Variants in KANK1 observed in about 807,000 individuals in gnomAD.
KANK1 encodes the protein KN motif and ankyrin repeat domain-containing protein 1.
Under a neutral mutation model 106.2 loss-of-function variants are expected in KANK1, and 109 were observed. The observed-to-expected ratio is 1.03, with a 90% CI of 0.88 to 1.20. The LOEUF is 1.20. KANK1 is among the 50% of genes most tolerant of loss of function. The probability of loss-of-function intolerance (pLI) is 0.00; values close to 1 mark genes in which losing one functional copy is unlikely to be tolerated. For missense variants in KANK1, 2,399 were observed against 1,710.7 expected (o/e 1.40, Z -7.10); for synonymous variants, 873 against 652.2 (o/e 1.34, Z -5.16).
chr9:557,601 A>G (rs576094159), intron 1 of KANK1, among the ~76,000 whole-genome samples: 29 of 152,370 alleles, frequency 1.9e-4, no homozygotes, highest in Non-Finnish European at 3.5e-4. Context: ...AAAAATGTAC[A>G]TATGATCTCA....
At chr9:537,624 TA>T (rs1469464212) in intron 1 of KANK1, among the ~76,000 whole-genome samples, 2 of 151,910 alleles carry the variant, frequency 1.3e-5, no homozygotes, top group Non-Finnish European at 2.9e-5. Context: ...ATAATAATAA[TA>T]GGTATATTTC....
chr9:645,243 T>C (rs4742174), intron 1 of KANK1, among the ~76,000 whole-genome samples: 64,002 of 148,422 alleles, frequency 0.43, 17,610 homozygotes, highest in African/African-American at 0.74. Flanking sequence ...GAGTTCAAGA[T>C]CAGCCTGGCC....
chr9:472,955 G>C (rs1240219319), intron 2 of KANK1, among the ~76,000 whole-genome samples: 1 of 152,184 alleles, frequency 6.6e-6, no homozygotes, highest in Non-Finnish European at 1.5e-5. Context: ...ACAAAACTAT[G>C]AGCAAACAAA....
At chr9:671,744 A>G (rs1400899114) in intron 1 of KANK1, among the ~76,000 whole-genome samples, 1 of 151,808 alleles carries the variant, frequency 6.6e-6, no homozygotes, top group African/African-American at 2.4e-5. Context: ...CTAAAAACAT[A>G]TTATACCAGC....
chr9:526,705 A>G (rs557658001), intron 1 of KANK1, among the ~76,000 whole-genome samples: 3 of 151,974 alleles, frequency 2.0e-5, no homozygotes, highest in East Asian at 3.9e-4. Context: ...CCCTCTCCTC[A>G]GAGGAATCTC....
Position 738,406 on chromosome 9 carries a change from G to T in KANK1, c.3455G>T (p.Arg1152Leu). 6.2e-7 allele frequency: 1 copy of T among 1,614,098 alleles called. No individual in the cohort carries two copies. Among genetic ancestry groups the T allele is most frequent in the South Asian group, 1.1e-5 (1 of 91,078 alleles). The part of the protein sequence containing the change: ...AFEAISPDVL[R>L]YVINLADGNG... ...GAGGCCATTTCCCCAGATGTCCTCC[G>T]CTATGTCATCAACTTGGCAGACGGC... Residue 1152 changes from arginine (R) to leucine (L), a missense_variant, in exon 8 of 12, where the codon CGC (arginine) becomes CTC (leucine). Coordinates refer to ENST00000382297, the MANE Select transcript of KANK1 (RefSeq NM_015158.5).
At chr9:527,521 G>C (rs2059846841) in intron 1 of KANK1, among the ~76,000 whole-genome samples, 1 of 151,386 alleles carries the variant, frequency 6.6e-6, no homozygotes, top group African/African-American at 2.5e-5. Flanking sequence ...GGCTAGTCTT[G>C]AACTCCTGAC....
intron 2 of KANK1, among the ~76,000 whole-genome samples, chr9:705,830 C>T (rs1267745697): frequency 1.3e-5 from 2 of 151,920 alleles, no homozygotes; most frequent in African/African-American, 4.8e-5. Flanking sequence ...GAGCTCCTGA[C>T]CTTCAAGTGA....
intron 1 of KANK1, among the ~76,000 whole-genome samples, chr9:556,460 A>T (rs952682659): frequency 6.6e-6 from 1 of 152,206 alleles, no homozygotes; most frequent in African/African-American, 2.4e-5. Context: ...GGAGTTAGCC[A>T]TGATCATTTT....
Position 732,630 on chromosome 9 carries a change from C to T in KANK1, c.3245+13C>T. 3 of 1,609,074 alleles carry T rather than the reference C, an allele frequency of 1.9e-6. No individual in the cohort carries two copies. The highest frequency in any genetic ancestry group is 8.5e-7 in the Non-Finnish European group (1 of 1,176,142). On this transcript the variant is annotated intron_variant, in intron 6 of 11. Transcript: ENST00000382297. The stretch of plus-strand genomic sequence containing the variant: ...AAATCAGAGAGAGGTGTGGTACATT[C>T]CCCTTCCCTCCCTTGCCCCTCCCAC...
chr9:712,709 G>C lies in KANK1; in HGVS notation c.1943G>C (p.Arg648Pro). ...TVCSPKECAS[R>P]GVNTEAVSQV... ...TGCTCTCCAAAGGAGTGCGCCTCCCGGGGCGTGAACACTGAGGCTGTTAGC... is the reference window on the plus strand; with the variant it reads ...TGCTCTCCAAAGGAGTGCGCCTCCCCGGGCGTGAACACTGAGGCTGTTAGC... The change falls in exon 3 of 12, where the codon CGG (arginine) becomes CCG (proline). Residue 648 changes from arginine to proline, a missense_variant. Transcript: ENST00000382297. 6.2e-7 allele frequency: 1 copy of C among 1,613,876 alleles called. No individual in the cohort carries two copies. The highest frequency in any genetic ancestry group is 8.5e-7 in the Non-Finnish European group (1 of 1,179,930).
chr9:671,225 GT>G (rs34085331), intron 1 of KANK1, among the ~76,000 whole-genome samples: 87,962 of 149,778 alleles, frequency 0.59, 27,089 homozygotes, highest in Non-Finnish European at 0.71. Context: ...ACCTGGTGGA[GT>G]TTTTTTTTTG....
At chr9:599,617 G>A (rs957491393) in intron 1 of KANK1, among the ~76,000 whole-genome samples, 1 of 151,688 alleles carries the variant, frequency 6.6e-6, no homozygotes, top group Non-Finnish European at 1.5e-5. Context: ...GATATGCTAC[G>A]TAGCTGACCC....
intron 1 of KANK1, among the ~76,000 whole-genome samples, chr9:629,349 CT>C (rs760195595): frequency 6.6e-6 from 1 of 152,154 alleles, no homozygotes; most frequent in Non-Finnish European, 1.5e-5. Context: ...CACTCTCTCT[CT>C]TCCCCCAGCC....
intron 1 of KANK1, among the ~76,000 whole-genome samples, chr9:507,551 G>T (rs373825706): frequency 1.4e-5 from 2 of 146,922 alleles, no homozygotes; most frequent in East Asian, 2.0e-4. Flanking sequence ...CACCATGCCC[G>T]GCTAATTTTT....
chr9:662,798 A>C (rs1843648387), intron 1 of KANK1, among the ~76,000 whole-genome samples: 2 of 151,548 alleles, frequency 1.3e-5, no homozygotes, highest in African/African-American at 4.9e-5. Flanking sequence ...AGTAGCTGGG[A>C]TTACAGGCAC....
At chr9:685,732 T>C (rs1818409912) in intron 2 of KANK1, among the ~76,000 whole-genome samples, 1 of 152,238 alleles carries the variant, frequency 6.6e-6, no homozygotes, top group Admixed American at 6.5e-5. Flanking sequence ...TGGAAAAGTT[T>C]TCTCTCAGGG....
intron 1 of KANK1, among the ~76,000 whole-genome samples, chr9:606,524 C>T (rs1222769644): frequency 7.0e-6 from 1 of 142,812 alleles, no homozygotes; most frequent in Non-Finnish European, 1.5e-5. Flanking sequence ...CCATTGTACT[C>T]CAGTCTGGGC....
At chr9:572,219 A>C (rs562258184) in intron 1 of KANK1, among the ~76,000 whole-genome samples, 5 of 147,904 alleles carry the variant, frequency 3.4e-5, no homozygotes, top group Non-Finnish European at 7.4e-5. Context: ...GCAGTGGAGA[A>C]ATTGTAGTTC....
Sources: gnomAD v4.1 joint callset for allele counts (sites outside exome capture counted in the v4.1 genomes callset) on GRCh38, gnomAD v4.1.1 for gene constraint, MANE v1.5 for transcripts, NCBI Gene and HGNC (gene_info 2026-07-23, HGNC 2026-07-21) for gene names.